The following MRPS27 variants were observed in gnomAD, a reference collection of about 807,000 sequenced individuals.
MRPS27 encodes mitochondrial ribosomal protein S27.
A neutral mutation model predicts 48.9 loss-of-function variants in MRPS27; 43 were observed. That is an observed-to-expected ratio of 0.88 (90% CI 0.69 to 1.13). The LOEUF (loss-of-function observed/expected upper bound fraction) is 1.13, where lower values mean the gene tolerates loss of function less well. MRPS27 is among the 50% of genes most tolerant of loss of function. MRPS27 has a pLI of 0.00. For missense variants in MRPS27, 467 were observed against 476.3 expected (o/e 0.98, Z 0.18); for synonymous variants, 188 against 171.9 (o/e 1.09, Z -0.73).
At chr5:72,312,049 T>G (rs1750453698) in intron 2 of MRPS27, among the ~76,000 whole-genome samples, 1 of 152,142 alleles carries the variant, frequency 6.6e-6, no homozygotes, top group African/African-American at 2.4e-5. Context: ...GGAGAATCGC[T>G]TGAACCCAGG....
chr5:72,265,861 G>A (rs1456566563), intron 4 of MRPS27, among the ~76,000 whole-genome samples: 9 of 152,088 alleles, frequency 5.9e-5, no homozygotes, highest in Non-Finnish European at 1.3e-4. Context: ...AATGACTTCA[G>A]GTAGACCTAT....
chr5:72,285,676 C>T (rs540452206), intron 4 of MRPS27, among the ~76,000 whole-genome samples: 1 of 152,312 alleles, frequency 6.6e-6, no homozygotes, highest in South Asian at 2.1e-4. Flanking sequence ...CACACACCAC[C>T]ATGACCAGCT....
At chr5:72,265,613 G>A (rs867711392) in intron 4 of MRPS27, among the ~76,000 whole-genome samples, 1 of 152,080 alleles carries the variant, frequency 6.6e-6, no homozygotes. Flanking sequence ...TGGTGGGAGC[G>A]TTCTTTACTA....
At chr5:72,257,520 T>C (rs1304381775) in intron 4 of MRPS27, among the ~76,000 whole-genome samples, 8 of 152,216 alleles carry the variant, frequency 5.3e-5, no homozygotes, top group Non-Finnish European at 1.0e-4. Flanking sequence ...ACTGCTCCCA[T>C]GAAGATTCAT....
chr5:72,310,406 G>A (rs534410076), intron 2 of MRPS27, among the ~76,000 whole-genome samples: 1 of 152,112 alleles, frequency 6.6e-6, no homozygotes, highest in Non-Finnish European at 1.5e-5. Flanking sequence ...CAAAAAAGAG[G>A]GGGGTGGGGG....
intron 4 of MRPS27, among the ~76,000 whole-genome samples, chr5:72,292,358 G>T (rs1749849308): frequency 6.6e-6 from 1 of 151,906 alleles, no homozygotes; most frequent in South Asian, 2.1e-4. Flanking sequence ...TCATAGGATT[G>T]CCAGCTCCCA....
chr5:72,238,718 T>C (rs1748271575), intron 4 of MRPS27, among the ~76,000 whole-genome samples: 2 of 152,172 alleles, frequency 1.3e-5, no homozygotes, highest in African/African-American at 4.8e-5. Context: ...ACAGTTCCAT[T>C]GTAGCTCATC....
At chr5:72,234,516 C>A (rs1240760708) in intron 5 of MRPS27, among the ~76,000 whole-genome samples, 1 of 151,860 alleles carries the variant, frequency 6.6e-6, no homozygotes, top group Admixed American at 6.6e-5. Context: ...ACCCACACAA[C>A]CCCCCTAACT....
At chr5:72,272,470 T>C (rs979975632) in intron 4 of MRPS27, among the ~76,000 whole-genome samples, 1 of 152,220 alleles carries the variant, frequency 6.6e-6, no homozygotes, top group African/African-American at 2.4e-5. Flanking sequence ...CAGCTCTCAG[T>C]AAAAACCTTG....
intron 4 of MRPS27, among the ~76,000 whole-genome samples, chr5:72,290,766 T>C (rs987824982): frequency 1.3e-5 from 2 of 152,228 alleles, no homozygotes; most frequent in African/African-American, 4.8e-5. Context: ...TGCCTAACTG[T>C]TTTTAAAATT....
intron 4 of MRPS27, among the ~76,000 whole-genome samples, chr5:72,274,426 A>G (rs1348427821): frequency 6.6e-6 from 1 of 152,192 alleles, no homozygotes; most frequent in Non-Finnish European, 1.5e-5. Flanking sequence ...CAGGGTCAGG[A>G]TCACTGTCTT....
intron 10 of MRPS27, 60 bp downstream of exon 10, chr5:72,223,623 C>T: frequency 1.9e-6 from 3 of 1,581,698 alleles, no homozygotes; most frequent in Non-Finnish European, 2.6e-6. Context: ...TTATCCATCA[C>T]CACAGGAGAG....
intron 4 of MRPS27, among the ~76,000 whole-genome samples, chr5:72,264,771 G>A (rs1749068171): frequency 6.6e-6 from 1 of 152,162 alleles, no homozygotes; most frequent in Admixed American, 6.5e-5. Flanking sequence ...CAGCCTTCAG[G>A]GAAAGGATGG....
intron 4 of MRPS27, among the ~76,000 whole-genome samples, chr5:72,289,474 T>C (rs1225015761): frequency 6.6e-6 from 1 of 151,806 alleles, no homozygotes; most frequent in African/African-American, 2.4e-5. Flanking sequence ...TACGCTGGAG[T>C]ACAGTGGTAT....
At chr5:72,316,951 G>A (rs951571261) in intron 1 of MRPS27, among the ~76,000 whole-genome samples, 7 of 150,992 alleles carry the variant, frequency 4.6e-5, no homozygotes, top group Admixed American at 2.0e-4. Flanking sequence ...ATCCCTTGAA[G>A]CCAGGAGGTG....
In MRPS27 at chr5:72,225,983, T is replaced by C. The variant is rs932123548; in HGVS notation, c.837+74A>G. On this transcript the variant is annotated intron_variant, in intron 9 of 10. Transcript: ENST00000261413. ...GAAAGTAGGGGTAGTGGAAAGACAA[T>C]GAAAACAAATTTAAAGCTCAGGTTA... 25 of 1,522,082 alleles carry C rather than the reference T, an allele frequency of 1.6e-5. No individual in the cohort carries two copies. In the African/African-American group the frequency reaches 2.2e-4, roughly 13 times the overall value. The allele number at this position is 1,522,082 out of a possible 1,614,324, so 94.3% of individuals were successfully genotyped here. A position where few individuals can be genotyped will look rare whatever the true frequency, so the allele number is the denominator to read the frequency against.
At chr5:72,232,650 G>T (rs1276259736) in intron 6 of MRPS27, 92 bp from the exon 7 acceptor site, 2 of 869,864 alleles carry the variant, frequency 2.3e-6, no homozygotes, top group African/African-American at 3.5e-5. Flanking sequence ...TAAAACGTGG[G>T]GCATGGTTTA....
intron 10 of MRPS27, 100 bp downstream of exon 10, chr5:72,223,583 C>T: frequency 7.1e-7 from 1 of 1,417,608 alleles, no homozygotes; most frequent in South Asian, 1.3e-5. Flanking sequence ...TTTAATGCCT[C>T]TTTGTGTGAC....
chr5:72,261,510 C>G (rs931474491), intron 4 of MRPS27, among the ~76,000 whole-genome samples: 22 of 146,414 alleles, frequency 1.5e-4, no homozygotes, highest in Non-Finnish European at 3.0e-4. Context: ...GCTATAGACT[C>G]ACAGGAAAAA....
Sources: gnomAD v4.1 joint callset for allele counts (sites outside exome capture counted in the v4.1 genomes callset) on GRCh38, gnomAD v4.1.1 for gene constraint, MANE v1.5 for transcripts, NCBI Gene and HGNC (gene_info 2026-07-23, HGNC 2026-07-21) for gene names.